The following RBM6 variants were observed in gnomAD, a reference collection of about 807,000 sequenced individuals.
The protein encoded by RBM6 is RNA-binding protein 6.
RBM6 carries 23 observed loss-of-function variants against 140.4 expected under a neutral mutation model. That is an observed-to-expected ratio of 0.16 (90% confidence interval 0.12 to 0.23). The LOEUF is 0.23. RBM6 is among the 10% of genes least tolerant of loss of function. The pLI, the probability that RBM6 is intolerant of heterozygous loss-of-function variation, is 1.00. For missense variants in RBM6, 1,139 were observed against 1,386.7 expected (o/e 0.82, Z 2.84); for synonymous variants, 439 against 475.6 (o/e 0.92, Z 1.00).
chr3:50,057,949 G>A lies in RBM6; in HGVS notation c.1915G>A (p.Asp639Asn). ...SRREGPTFRR[D>N]RERESWSGET... Reference sequence around the variant, plus strand: ...AAGGGAAGGGCCAACTTTCCGAAGAGACCGAGAGAGGGAGTCATGGTCTGG... The same window carrying A: ...AAGGGAAGGGCCAACTTTCCGAAGAAACCGAGAGAGGGAGTCATGGTCTGG... Residue 639 changes from aspartate (D) to asparagine (N), a missense_variant, in exon 9 of 21, where the codon GAC becomes AAC. Asp to Asn is a conservative substitution (Grantham distance 23). Coordinates refer to ENST00000266022, the MANE Select transcript of RBM6 (RefSeq NM_005777.3). 6.2e-7 allele frequency: 1 copy of A among 1,614,168 alleles called. No individual in the cohort carries two copies.
chr3:50,051,407 C>T (rs959854499), intron 7 of RBM6, among the ~76,000 whole-genome samples: 5 of 152,066 alleles, frequency 3.3e-5, no homozygotes, highest in South Asian at 2.1e-4. Flanking sequence ...TTTGGGAGGC[C>T]GAGGCAGGCG....
At chr3:50,004,021 G>C (rs1211126099) in intron 6 of RBM6, among the ~76,000 whole-genome samples, 2 of 152,212 alleles carry the variant, frequency 1.3e-5, no homozygotes, top group Non-Finnish European at 2.9e-5. Flanking sequence ...GGGGAGGGGA[G>C]TAAGAAGTAT....
At chr3:49,942,431 G>T (rs2108558696) in intron 1 of RBM6, among the ~76,000 whole-genome samples, 1 of 150,738 alleles carries the variant, frequency 6.6e-6, no homozygotes, top group Non-Finnish European at 1.5e-5. Flanking sequence ...GGAGCTTGCA[G>T]TGAGCCGAGA....
At chr3:50,066,717 A>G (rs2090134646) in intron 17 of RBM6, among the ~76,000 whole-genome samples, 1 of 152,102 alleles carries the variant, frequency 6.6e-6, no homozygotes. Context: ...AGTCCCAGCC[A>G]CTCGGGAGGC....
rs559445487 is a variant in RBM6, at chr3:50,032,210, C to T, written c.1558-16035C>T. On this transcript the variant is annotated intron_variant, in intron 6 of 20. Transcript: ENST00000266022. The stretch of plus-strand genomic sequence containing the variant: ...GTCTTTTAATTTTCCAGGCCGGGCA[C>T]GGTGGCTCACACCTGTAATCCCAGC... 2.8e-4 allele frequency among the ~76,000 whole-genome samples: 42 copies of T among 152,062 alleles called. No individual in the cohort carries two copies. In the East Asian group the frequency reaches 7.7e-3, roughly 28 times the overall value.
chr3:50,017,607 C>T (rs1464308655), intron 6 of RBM6, among the ~76,000 whole-genome samples: 2 of 151,266 alleles, frequency 1.3e-5, no homozygotes, highest in Non-Finnish European at 2.9e-5. Flanking sequence ...AGGTCCTTTG[C>T]CCATTTTTTA....
At chr3:50,051,863 T>C (rs1223170355) in intron 7 of RBM6, among the ~76,000 whole-genome samples, 1 of 152,156 alleles carries the variant, frequency 6.6e-6, no homozygotes, top group East Asian at 1.9e-4. Flanking sequence ...ACAACCTAGA[T>C]GAACCTTGAA....
At chr3:49,953,523 CTTTT>C (rs796386335) in intron 1 of RBM6, among the ~76,000 whole-genome samples, 2 of 131,052 alleles carry the variant, frequency 1.5e-5, no homozygotes, top group African/African-American at 2.9e-5. Flanking sequence ...CGAACCTGGC[CTTTT>C]TTTTTTTTTT....
intron 4 of RBM6, among the ~76,000 whole-genome samples, chr3:49,973,539 TGATTTCA>T (rs1188755395): frequency 2.0e-5 from 3 of 151,818 alleles, no homozygotes; most frequent in Non-Finnish European, 4.4e-5. Flanking sequence ...GCACACAGTA[TGATTTCA>T]GAGCTTAAGC....
intron 18 of RBM6, among the ~76,000 whole-genome samples, chr3:50,069,010 A>G (rs1463473787): frequency 6.6e-6 from 1 of 152,234 alleles, no homozygotes; most frequent in East Asian, 1.9e-4. Context: ...CTAGGTAGAT[A>G]ACACTCCTCT....
chr3:50,003,848 G>A (rs939977771), intron 6 of RBM6, among the ~76,000 whole-genome samples: 2 of 152,198 alleles, frequency 1.3e-5, no homozygotes, highest in African/African-American at 2.4e-5. Context: ...GGAGAAGGGG[G>A]CAGCCAGCAA....
intron 1 of RBM6, among the ~76,000 whole-genome samples, chr3:49,952,325 G>T (rs554786261): frequency 6.6e-6 from 1 of 152,058 alleles, no homozygotes; most frequent in East Asian, 1.9e-4. Flanking sequence ...CACTGCGCCT[G>T]GCCCCAGTTT....
chr3:50,066,301 TGAGGAGGAAGAA>T lies in RBM6; in HGVS notation c.2752_2763del (p.Glu918_Glu921del). 1 of 1,614,040 alleles carries T rather than the reference TGAGGAGGAAGAA, an allele frequency of 6.2e-7. No homozygotes were observed. The highest frequency in any genetic ancestry group is 8.5e-7 in the Non-Finnish European group (1 of 1,180,026). On this transcript the variant is annotated inframe_deletion, in exon 17 of 21. Transcript: ENST00000266022. ...GTGAATATGGAGGAGACAGTGACTA[TGAGGAGGAAGAA>T]GAGGAGGAACAGACCCCTCCCCCAC...
chr3:50,016,767 C>T (rs1258790055), intron 6 of RBM6, among the ~76,000 whole-genome samples: 1 of 151,442 alleles, frequency 6.6e-6, no homozygotes, highest in Non-Finnish European at 1.5e-5. Context: ...ACTTCCTGCA[C>T]TCAAGCAGTC....
intron 7 of RBM6, among the ~76,000 whole-genome samples, chr3:50,049,409 C>T (rs557537337): frequency 5.9e-5 from 9 of 152,184 alleles, no homozygotes; most frequent in African/African-American, 1.9e-4. Context: ...GGCACCCAGC[C>T]GGCTATACTC....
intron 7 of RBM6, among the ~76,000 whole-genome samples, chr3:50,053,690 C>T (rs115904937): frequency 1.7e-3 from 262 of 152,294 alleles, no homozygotes; most frequent in Non-Finnish European, 3.1e-3. Flanking sequence ...AGTTTCTGCC[C>T]CCATGGCATT....
intron 6 of RBM6, among the ~76,000 whole-genome samples, chr3:50,040,471 A>AATATATAT (rs869038826): frequency 1.8e-4 from 6 of 33,540 alleles, no homozygotes; most frequent in South Asian, 1.8e-3. Context: ...AAAAAAAAAA[A>AATATATAT]ATATATATAT....
In RBM6 at chr3:49,967,333, A is replaced by T; in HGVS notation, c.45-137A>T. On this transcript the variant is annotated intron_variant, in intron 2 of 20. Coordinates refer to ENST00000266022, the MANE Select transcript of RBM6 (RefSeq NM_005777.3). This position sits in a 1 kb window ranked among gnomAD's most constrained non-coding sequence, Gnocchi z 4.0. ...AGCAAAACTTTGCTGTTTTCTGCAG[A>T]TCTAGGACCTTGTTACAGAACTCTG... 2 of 1,469,108 alleles carry T rather than the reference A, an allele frequency of 1.4e-6. No individual in the cohort carries two copies. The highest frequency in any genetic ancestry group is 1.8e-6 in the Non-Finnish European group (2 of 1,113,508). 91.0% of individuals were successfully genotyped at this position (1,469,108 alleles called of 1,614,324 possible).
intron 6 of RBM6, among the ~76,000 whole-genome samples, chr3:50,045,806 A>G (rs2089191850): frequency 6.6e-6 from 1 of 152,152 alleles, no homozygotes; most frequent in Non-Finnish European, 1.5e-5. Context: ...AATTTACTTA[A>G]TCTTCACAAC....
Sources: gnomAD v4.1 joint callset for allele counts (sites outside exome capture counted in the v4.1 genomes callset) on GRCh38, gnomAD v4.1.1 for gene constraint, Gnocchi (gnomAD v3.1) non-coding constraint, MANE v1.5 for transcripts, NCBI Gene and HGNC (gene_info 2026-07-23, HGNC 2026-07-21) for gene names.